Variants in PRSS3 observed in about 807,000 individuals in gnomAD.
The protein encoded by PRSS3 is trypsin-3.
A neutral mutation model predicts 20.8 loss-of-function variants in PRSS3; 14 were observed. That is an observed-to-expected ratio of 0.67 (90% CI 0.44 to 1.05). The LOEUF (loss-of-function observed/expected upper bound fraction) is 1.05. Ranked by LOEUF, PRSS3 falls within the 50% of genes least tolerant of loss-of-function variation. The probability of loss-of-function intolerance (pLI) is 0.00; values close to 1 mark genes in which losing one functional copy is unlikely to be tolerated. For missense variants in PRSS3, 237 were observed against 306.4 expected, an observed-to-expected ratio of 0.77 and a Z score of 1.69; for synonymous variants, 91 against 117.6, an observed-to-expected ratio of 0.77 and a Z score of 1.46.
intron 1 of PRSS3, among the ~76,000 whole-genome samples, chr9:33,769,318 C>G (rs773689336): frequency 2.6e-5 from 4 of 152,094 alleles, no homozygotes; most frequent in Non-Finnish European, 5.9e-5. Context: ...TGGCTGAACC[C>G]CCATCTGAAA....
chr9:33,767,364 C>T (rs1317168197), intron 1 of PRSS3, among the ~76,000 whole-genome samples: 1 of 152,106 alleles, frequency 6.6e-6, no homozygotes, highest in Non-Finnish European at 1.5e-5. Context: ...TAACATATGG[C>T]ATTATGGGCA....
intron 1 of PRSS3, among the ~76,000 whole-genome samples, chr9:33,754,562 G>T (rs1383281480): frequency 1.3e-5 from 2 of 151,980 alleles, no homozygotes; most frequent in African/African-American, 2.4e-5. Context: ...AGGCACAGTG[G>T]CTCACGCCTG....
intron 1 of PRSS3, among the ~76,000 whole-genome samples, chr9:33,762,412 A>C (rs1398955602): frequency 6.6e-6 from 1 of 152,228 alleles, no homozygotes; most frequent in Non-Finnish European, 1.5e-5. Flanking sequence ...GACTGCGGCC[A>C]CAGTCACATC....
At chr9:33,761,177 G>A (rs1365533307) in intron 1 of PRSS3, among the ~76,000 whole-genome samples, 2 of 152,190 alleles carry the variant, frequency 1.3e-5, no homozygotes, top group East Asian at 3.9e-4. Flanking sequence ...ATCCTAGAGT[G>A]TACTTATACA....
At position 33,756,181 on chromosome 9, in the gene PRSS3, TA is replaced by T. The variant is rs1316743811; in HGVS notation, c.-53+5456del. Among the ~76,000 whole-genome samples, 7 of 152,308 alleles carry T rather than the reference TA, an allele frequency of 4.6e-5. No homozygotes were observed. The East Asian group carries it at 1.3e-3, about 29-fold the overall frequency. On this transcript the variant is annotated intron_variant, in intron 1 of 5. Coordinates refer to the PRSS3 transcript ENST00000342836. ...GCTGGTTTGGCTGGGTATGGGATAT[TA>T]ATCAGAAATCATTTCCTGTCCGAAT...
chr9:33,775,359 G>A (rs1251410672), intron 1 of PRSS3, among the ~76,000 whole-genome samples: 3 of 152,178 alleles, frequency 2.0e-5, no homozygotes, highest in Admixed American at 1.3e-4. Context: ...AGTGGCTGGG[G>A]GGTTGAAAAT....
chr9:33,760,181 GTTT>G (rs57890145), intron 1 of PRSS3, among the ~76,000 whole-genome samples: 2 of 139,398 alleles, frequency 1.4e-5, no homozygotes, highest in Non-Finnish European at 1.6e-5. Flanking sequence ...TATATGTAAG[GTTT>G]TTTTTTTTTT....
At chr9:33,787,388 C>T (rs1311094789) in intron 1 of PRSS3, among the ~76,000 whole-genome samples, 1 of 152,132 alleles carries the variant, frequency 6.6e-6, no homozygotes, top group African/African-American at 2.4e-5. Context: ...CAGGAACCTT[C>T]TATACTGGTG....
At chr9:33,775,173 G>A (rs1354091188) in intron 1 of PRSS3, among the ~76,000 whole-genome samples, 2 of 151,756 alleles carry the variant, frequency 1.3e-5, no homozygotes. Context: ...GCAAAAAATT[G>A]AGCAGCATTT....
intron 3 of PRSS3, 104 bp downstream of exon 3, chr9:33,798,186 T>A (rs1273048035): frequency 2.6e-6 from 4 of 1,567,492 alleles, no homozygotes; most frequent in Non-Finnish European, 3.5e-6. Flanking sequence ...TTAAGACACA[T>A]TTCTAGTGCC....
intron 1 of PRSS3, among the ~76,000 whole-genome samples, chr9:33,755,782 C>T (rs1319614567): frequency 6.6e-6 from 1 of 152,064 alleles, no homozygotes; most frequent in Non-Finnish European, 1.5e-5. Context: ...TCATGGGGGC[C>T]CTCTGAGTGC....
intron 1 of PRSS3, among the ~76,000 whole-genome samples, chr9:33,781,709 A>G (rs1275684132): frequency 6.6e-6 from 1 of 152,252 alleles, no homozygotes; most frequent in Non-Finnish European, 1.5e-5. Flanking sequence ...TTTTATCTAC[A>G]GTAATTAAAA....
chr9:33,786,972 CT>C, intron 1 of PRSS3: 1 of 581,088 alleles, frequency 1.7e-6, no homozygotes, highest in Middle Eastern at 3.3e-4. Context: ...TGCTTCTGTG[CT>C]TGTAGGTGGG....
At chr9:33,787,356 C>T (rs1295107689) in intron 1 of PRSS3, among the ~76,000 whole-genome samples, 1 of 152,054 alleles carries the variant, frequency 6.6e-6, no homozygotes, top group Non-Finnish European at 1.5e-5. Flanking sequence ...GCATCCCAGA[C>T]CAATATAAAA....
At chr9:33,766,457 C>T (rs1823426735) in intron 1 of PRSS3, among the ~76,000 whole-genome samples, 1 of 151,788 alleles carries the variant, frequency 6.6e-6, no homozygotes, top group African/African-American at 2.4e-5. Flanking sequence ...CCTGTAGTCC[C>T]AGCTACTCGG....
chr9:33,782,063 G>A lies in PRSS3; in HGVS notation c.-52-12683G>A, dbSNP rs1207985377. ...TCTCTTTATCTGAGGCCTATGTAGAGGTCTTCTTCAGGTGCCTCTGTCATG... is the reference window on the plus strand; with the variant it reads ...TCTCTTTATCTGAGGCCTATGTAGAAGTCTTCTTCAGGTGCCTCTGTCATG... On this transcript the variant is annotated intron_variant, in intron 1 of 5. Coordinates refer to the PRSS3 transcript ENST00000342836. Among the ~76,000 whole-genome samples, 4 of 152,320 alleles carry A rather than the reference G, an allele frequency of 2.6e-5. No homozygotes were observed. The East Asian group carries it at 5.8e-4, about 22-fold the overall frequency.
intron 1 of PRSS3, among the ~76,000 whole-genome samples, chr9:33,761,852 C>A (rs1274697750): frequency 1.3e-5 from 2 of 152,070 alleles, no homozygotes. Flanking sequence ...GTACTCCAGC[C>A]TGGGTGACAG....
intron 1 of PRSS3, among the ~76,000 whole-genome samples, chr9:33,781,299 T>C (rs1824174487): frequency 6.6e-6 from 1 of 152,130 alleles, no homozygotes; most frequent in South Asian, 2.1e-4. Context: ...CCATCAATGA[T>C]GGATTGGATG....
intron 1 of PRSS3, among the ~76,000 whole-genome samples, chr9:33,761,253 C>T (rs748509445): frequency 5.3e-5 from 8 of 152,312 alleles, no homozygotes; most frequent in Middle Eastern, 3.4e-3. Context: ...ACTGAGCATA[C>T]GCACTGTTAG....
Sources: allele counts gnomAD v4.1 joint callset (sites outside exome capture counted in the v4.1 genomes callset), GRCh38; gene constraint gnomAD v4.1.1; transcripts MANE v1.5; gene names NCBI Gene and HGNC (gene_info 2026-07-23, HGNC 2026-07-21).